Variants in UNC5C observed in about 807,000 individuals in gnomAD.
The protein encoded by UNC5C is unc-5 netrin receptor C.
Under a neutral mutation model 99.8 loss-of-function variants are expected in UNC5C, and 47 were observed. The observed-to-expected ratio is 0.47, with a 90% CI of 0.37 to 0.60. The LOEUF (loss-of-function observed/expected upper bound fraction) is 0.60, where lower values mean the gene tolerates loss of function less well. UNC5C is among the 20% of genes least tolerant of loss of function. The pLI, the probability that UNC5C is intolerant of heterozygous loss-of-function variation, is 0.00. For missense variants in UNC5C, 1,062 were observed against 1,165.9 expected (o/e 0.91, Z 1.30); for synonymous variants, 487 against 452.2 (o/e 1.08, Z -0.98).
intron 1 of UNC5C, among the ~76,000 whole-genome samples, chr4:95,379,827 G>A (rs573065938): frequency 2.0e-5 from 3 of 152,300 alleles, no homozygotes; most frequent in Admixed American, 2.0e-4. Context: ...GAGGCGCTAA[G>A]ATACGGAGGT....
chr4:95,380,025 TAGAA>T (rs1745019301), intron 1 of UNC5C, among the ~76,000 whole-genome samples: 1 of 152,182 alleles, frequency 6.6e-6, no homozygotes, highest in Non-Finnish European at 1.5e-5. Context: ...CCTACTCCAT[TAGAA>T]ACTTTCTGAA....
Position 95,414,223 on chromosome 4 carries a change from C to CA in UNC5C, c.125-78593dup, listed in dbSNP as rs1553970478. 4.6e-5 allele frequency among the ~76,000 whole-genome samples: 7 copies of CA among 152,050 alleles called. No individual in the cohort carries two copies. In the East Asian group the frequency reaches 1.2e-3, roughly 25 times the overall value. On this transcript the variant is annotated intron_variant, in intron 1 of 15. Transcript: ENST00000453304. ...CTTCCCCTTTTCCCCACCTCCCCCC[C>CA]ACAAAAAATAGGTCTGGTAGAGAGA...
intron 1 of UNC5C, among the ~76,000 whole-genome samples, chr4:95,406,134 G>C (rs915238092): frequency 6.6e-6 from 1 of 152,106 alleles, no homozygotes; most frequent in Non-Finnish European, 1.5e-5. Context: ...GAAAAAAACA[G>C]GAACAAATCG....
chr4:95,280,687 TCAACAA>T (rs58348747), intron 3 of UNC5C, among the ~76,000 whole-genome samples: 1 of 150,998 alleles, frequency 6.6e-6, no homozygotes, highest in East Asian at 2.0e-4. Context: ...AGACCCCATC[TCAACAA>T]CAACAACAAC....
At position 95,225,940 on chromosome 4, in the gene UNC5C, A is replaced by G. The variant is rs114672188; in HGVS notation, c.1109-5764T>C. Among the ~76,000 whole-genome samples, 816 of 152,352 alleles carry G rather than the reference A, an allele frequency of 5.4e-3. 5 individuals carry two copies. Among genetic ancestry groups the G allele is most frequent in the Middle Eastern group, 0.034 (10 of 294 alleles). ...CAGAGAAGAAGGGGATTACTGTTCC[A>G]TCCCCTAAATGAGGGGAACACAGAA... On this transcript the variant is annotated intron_variant, in intron 7 of 15. Transcript: ENST00000453304.
Position 95,169,268 on chromosome 4 carries a change from G to C in UNC5C, c.2762C>G (p.Thr921Arg). 6.2e-7 allele frequency: 1 copy of C among 1,614,078 alleles called. No individual in the cohort carries two copies. The highest frequency in any genetic ancestry group is 8.5e-7 in the Non-Finnish European group (1 of 1,180,030). ...CCCTTCTGCTGCTAAGGACACCACC[G>C]TTTCATGTCTTCCCATTTCTTCCAA... Reference protein sequence around the residue: ...AVLEEMGRHETVVSLAAEGQY With the variant: ...AVLEEMGRHERVVSLAAEGQY Residue 921 changes from threonine (T) to arginine (R), a missense_variant, in exon 16 of 16, where the codon ACG becomes AGG. Transcript: ENST00000453304.
Position 95,189,897 on chromosome 4 carries a change from T to C in UNC5C, c.2137-4701A>G, listed in dbSNP as rs1560722051. Among the ~76,000 whole-genome samples, 6 of 152,340 alleles carry C rather than the reference T, an allele frequency of 3.9e-5. No homozygotes were observed. In the South Asian group the frequency reaches 1.2e-3, roughly 32 times the overall value. ...AACACTTTTACACTGTTGGTGGAAC[T>C]GTAAACTAGTTCAGCCATTGTGGAA... On this transcript the variant is annotated intron_variant, in intron 12 of 15. Coordinates refer to ENST00000453304, the MANE Select transcript of UNC5C (RefSeq NM_003728.4).
chr4:95,200,984 G>T (rs756313141), intron 12 of UNC5C, among the ~76,000 whole-genome samples: 1 of 152,056 alleles, frequency 6.6e-6, no homozygotes, highest in African/African-American at 2.4e-5. Context: ...TAGTAGCCTT[G>T]TAAGAGAGAT....
chr4:95,356,226 A>AAAAAAAAAAAAAAC (rs1371053400), intron 1 of UNC5C, among the ~76,000 whole-genome samples: 6 of 144,714 alleles, frequency 4.1e-5, no homozygotes, highest in Non-Finnish European at 7.7e-5. Flanking sequence ...AACAAAAAAA[A>AAAAAAAAAAAAAAC]AACAGATTCC....
intron 1 of UNC5C, among the ~76,000 whole-genome samples, chr4:95,368,363 A>G (rs1230661940): frequency 6.6e-6 from 1 of 151,876 alleles, no homozygotes; most frequent in African/African-American, 2.4e-5. Flanking sequence ...TACATTTCAC[A>G]TCCCATTATG....
At chr4:95,313,134 G>C (rs1362782828) in intron 2 of UNC5C, among the ~76,000 whole-genome samples, 1 of 152,128 alleles carries the variant, frequency 6.6e-6, no homozygotes, top group Non-Finnish European at 1.5e-5. Flanking sequence ...CAGGAAGAGA[G>C]AATAGCATGA....
At chr4:95,294,390 T>G (rs1560774011) in intron 3 of UNC5C, among the ~76,000 whole-genome samples, 1 of 152,212 alleles carries the variant, frequency 6.6e-6, no homozygotes, top group Non-Finnish European at 1.5e-5. Context: ...TCATCCTTAA[T>G]TCTTTCTAGG....
intron 1 of UNC5C, among the ~76,000 whole-genome samples, chr4:95,425,621 T>C (rs1047157417): frequency 6.6e-5 from 10 of 152,242 alleles, no homozygotes; most frequent in African/African-American, 2.4e-4. Context: ...GTTAACTTTA[T>C]TTACTCAGAA....
chr4:95,186,961 C>G (rs575063848), intron 12 of UNC5C, among the ~76,000 whole-genome samples: 2 of 152,116 alleles, frequency 1.3e-5, no homozygotes, highest in African/African-American at 4.8e-5. Context: ...CACACACGCT[C>G]CTCACAGAAC....
At chr4:95,335,261 C>G (rs1207696619) in intron 2 of UNC5C, 149 bp downstream of exon 2, 2 of 696,322 alleles carry the variant, frequency 2.9e-6, no homozygotes, top group Non-Finnish European at 4.6e-6. Context: ...GAAACAAGAT[C>G]ACCAAACCTT....
chr4:95,240,390 G>A (rs1739286061), intron 7 of UNC5C, among the ~76,000 whole-genome samples: 1 of 152,136 alleles, frequency 6.6e-6, no homozygotes, highest in African/African-American at 2.4e-5. Flanking sequence ...TAATTACACA[G>A]TGCAGAATAT....
intron 1 of UNC5C, among the ~76,000 whole-genome samples, chr4:95,536,264 T>C (rs967056500): frequency 6.6e-6 from 1 of 151,972 alleles, no homozygotes; most frequent in Non-Finnish European, 1.5e-5. Flanking sequence ...TTAGTAGAGA[T>C]GGGATTTCAC....
At chr4:95,393,380 G>A (rs1392884540) in intron 1 of UNC5C, among the ~76,000 whole-genome samples, 2 of 152,122 alleles carry the variant, frequency 1.3e-5, no homozygotes, top group Admixed American at 6.5e-5. Context: ...CACTGTTGGA[G>A]GAATCAAGGG....
chr4:95,239,661 T>TTC (rs534843547), intron 7 of UNC5C, among the ~76,000 whole-genome samples: 97 of 152,046 alleles, frequency 6.4e-4, no homozygotes, highest in Non-Finnish European at 9.9e-4. Flanking sequence ...ACCACGTATT[T>TTC]TCTCTCTCTC....
Sources: gnomAD v4.1 joint callset for allele counts (sites outside exome capture counted in the v4.1 genomes callset) on GRCh38, gnomAD v4.1.1 for gene constraint, MANE v1.5 for transcripts, NCBI Gene and HGNC (gene_info 2026-07-23, HGNC 2026-07-21) for gene names.